NHSL1: variants seen among roughly 807,000 people sequenced by gnomAD.
The protein encoded by NHSL1 is NHS-like protein 1.
In NHSL1, 48 loss-of-function variants were observed where a neutral mutation model predicts 95.0. The ratio of observed to expected loss-of-function variants is 0.51; its 90% CI spans 0.40 to 0.64. The LOEUF is 0.64. Ranked by LOEUF, NHSL1 falls within the 30% of genes least tolerant of loss-of-function variation. The probability of loss-of-function intolerance (pLI) is 0.00; values close to 1 mark genes in which losing one functional copy is unlikely to be tolerated. For synonymous variants in NHSL1, 783 were observed against 833.9 expected (o/e 0.94, Z 1.05); for missense variants, 1,971 against 2,077.7 (o/e 0.95, Z 1.00).
At position 138,430,553 on chromosome 6, in the gene NHSL1, C is replaced by T. The variant is rs1287898819; in HGVS notation, c.3792G>A (p.Glu1264=). The change falls in exon 6 of 8, where the codon GAG becomes GAA. Residue 1264 remains glutamate, a synonymous_variant. Transcript: ENST00000343505. This position sits in a 1 kb window ranked among gnomAD's most constrained non-coding sequence, Gnocchi z 4.7. Reference sequence around the variant, plus strand: ...GAGACATGGATCCTGCAGCTCCTCCCTCAAGAACCGAGGTGCCAGGGTGCG... The same window carrying T: ...GAGACATGGATCCTGCAGCTCCTCCTTCAAGAACCGAGGTGCCAGGGTGCG... ...HATHPGTSVL[E]GGAAGSMSPS... is the part of the protein sequence containing the mutation. The T allele has an allele frequency of 2.6e-6, 4 of 1,551,060 alleles. No homozygotes were observed. The highest frequency in any genetic ancestry group is 2.0e-5 in the Admixed American group (1 of 50,976).
At chr6:138,670,432 C>T (rs1785350251) in intron 1 of NHSL1, among the ~76,000 whole-genome samples, 2 of 150,794 alleles carry the variant, frequency 1.3e-5, no homozygotes, top group African/African-American at 4.9e-5. Flanking sequence ...TTTGGGAGGC[C>T]GAGGCGGGCG....
At chr6:138,652,924 C>T (rs1024730246) in intron 1 of NHSL1, among the ~76,000 whole-genome samples, 2 of 152,172 alleles carry the variant, frequency 1.3e-5, no homozygotes, top group African/African-American at 4.8e-5. Flanking sequence ...ATAAGATCGG[C>T]ACTGGGATTG....
intron 1 of NHSL1, among the ~76,000 whole-genome samples, chr6:138,534,717 T>A (rs1479605267): frequency 6.6e-6 from 1 of 152,172 alleles, no homozygotes; most frequent in Admixed American, 6.5e-5. Context: ...CAAAGGTAAA[T>A]CTCTGTGGCT....
intron 1 of NHSL1, among the ~76,000 whole-genome samples, chr6:138,640,169 G>A (rs1241066416): frequency 6.6e-6 from 1 of 151,930 alleles, no homozygotes; most frequent in Admixed American, 6.6e-5. Context: ...ATAGCATCTT[G>A]GTGCCCATCT....
upstream of NHSL1, among the ~76,000 whole-genome samples, chr6:138,575,136 T>A (rs1783948634): frequency 6.6e-6 from 1 of 152,108 alleles, no homozygotes; most frequent in African/African-American, 2.4e-5. Flanking sequence ...CAACCTCAGG[T>A]GATCTGTCTG....
chr6:138,525,772 G>A lies in NHSL1; in HGVS notation c.16+19851C>T, dbSNP rs146382770. The stretch of plus-strand genomic sequence containing the variant: ...GGAGAAATACTTTGGGATCTGATAA[G>A]GAAGGCTTTTAGAAAAAAGAATTAT... On this transcript the variant is annotated intron_variant, in intron 1 of 4. Coordinates refer to the NHSL1 transcript ENST00000342260. Among the ~76,000 whole-genome samples, 434 of 152,098 alleles carry A rather than the reference G, an allele frequency of 2.9e-3. 1 individual carries two copies. Among genetic ancestry groups the A allele is most frequent in the Non-Finnish European group, 5.0e-3 (342 of 67,984 alleles).
chr6:138,449,714 G>A (rs1777109354), intron 3 of NHSL1, among the ~76,000 whole-genome samples: 1 of 151,938 alleles, frequency 6.6e-6, no homozygotes, highest in South Asian at 2.1e-4. Context: ...AGGTGGTGCT[G>A]ATATAAATAT....
chr6:138,555,344 A>G (rs1026468750), intron 1 of NHSL1, among the ~76,000 whole-genome samples: 3 of 152,204 alleles, frequency 2.0e-5, no homozygotes, highest in Non-Finnish European at 4.4e-5. Flanking sequence ...AAACTCAGCT[A>G]TTAACTATAA....
At chr6:138,473,138 G>A (rs1778857124) in intron 3 of NHSL1, among the ~76,000 whole-genome samples, 168 bp downstream of exon 3, 2 of 152,156 alleles carry the variant, frequency 1.3e-5, no homozygotes, top group South Asian at 4.1e-4. Flanking sequence ...TTCCATTTAT[G>A]TTACTCTTAC....
chr6:138,631,203 C>T (rs1221594157), intron 1 of NHSL1, among the ~76,000 whole-genome samples: 1 of 152,196 alleles, frequency 6.6e-6, no homozygotes, highest in Non-Finnish European at 1.5e-5. Context: ...CCGATTCCAG[C>T]GGTCAGATCT....
intron 1 of NHSL1, among the ~76,000 whole-genome samples, chr6:138,563,253 G>C (rs115894657): frequency 2.0e-5 from 3 of 152,064 alleles, no homozygotes; most frequent in Non-Finnish European, 4.4e-5. Flanking sequence ...GTCTCGCCAC[G>C]GTAAACATTC....
chr6:138,489,625 G>A (rs1015183586), intron 2 of NHSL1, among the ~76,000 whole-genome samples: 1 of 151,460 alleles, frequency 6.6e-6, no homozygotes, highest in Non-Finnish European at 1.5e-5. Flanking sequence ...AGCTGGGCAC[G>A]GTGTTGTGTG....
At chr6:138,540,944 C>T (rs556120437) in intron 1 of NHSL1, among the ~76,000 whole-genome samples, 1 of 152,276 alleles carries the variant, frequency 6.6e-6, no homozygotes, top group African/African-American at 2.4e-5. Context: ...TTAAAAGTCC[C>T]TAGAGAGAAT....
intron 1 of NHSL1, among the ~76,000 whole-genome samples, chr6:138,541,055 A>G (rs994767465): frequency 4.6e-5 from 7 of 152,182 alleles, no homozygotes; most frequent in African/African-American, 1.7e-4. Context: ...GGATATATGT[A>G]TGCATCCTGT....
chr6:138,616,638 G>T (rs540475759), intron 1 of NHSL1, among the ~76,000 whole-genome samples: 8 of 152,222 alleles, frequency 5.3e-5, no homozygotes, highest in Admixed American at 5.2e-4. Context: ...GCACGTGTAG[G>T]GGTGCTCCAC....
intron 1 of NHSL1, among the ~76,000 whole-genome samples, chr6:138,627,046 A>G (rs990333940): frequency 2.0e-5 from 3 of 152,116 alleles, no homozygotes; most frequent in African/African-American, 7.2e-5. Context: ...AATTTAGAAC[A>G]TTTGCCATTT....
intron 1 of NHSL1, among the ~76,000 whole-genome samples, chr6:138,534,711 G>A (rs954897351): frequency 6.6e-6 from 1 of 152,160 alleles, no homozygotes; most frequent in Admixed American, 6.5e-5. Flanking sequence ...AAAGCCCAAA[G>A]GTAAATCTCT....
intron 2 of NHSL1, among the ~76,000 whole-genome samples, chr6:138,486,142 T>C (rs1385001004): frequency 6.6e-6 from 1 of 152,124 alleles, no homozygotes; most frequent in Non-Finnish European, 1.5e-5. Context: ...TTTCCATATC[T>C]GTAATCCTTT....
chr6:138,552,447 A>G (rs1170224874), intron 1 of NHSL1, among the ~76,000 whole-genome samples: 1 of 151,654 alleles, frequency 6.6e-6, no homozygotes, highest in African/African-American at 2.4e-5. Flanking sequence ...ATCTATATAC[A>G]CCCTCCTGAG....
Sources: gnomAD v4.1 joint callset for allele counts (sites outside exome capture counted in the v4.1 genomes callset) on GRCh38, gnomAD v4.1.1 for gene constraint, Gnocchi (gnomAD v3.1) non-coding constraint, MANE v1.5 for transcripts, NCBI Gene and HGNC (gene_info 2026-07-23, HGNC 2026-07-21) for gene names.